TUSC3: variants seen among roughly 807,000 people sequenced by gnomAD.
The protein encoded by TUSC3 is tumor suppressor candidate 3.
A neutral mutation model predicts 44.8 loss-of-function variants in TUSC3; 45 were observed. That is an observed-to-expected ratio of 1.00 (90% CI 0.79 to 1.29). The LOEUF (loss-of-function observed/expected upper bound fraction) is 1.29, where lower values mean the gene tolerates loss of function less well. TUSC3 is among the 50% of genes most tolerant of loss of function. The pLI is 0.00. For missense variants in TUSC3, 519 were observed against 437.9 expected, an observed-to-expected ratio of 1.19 and a Z score of -1.65; for synonymous variants, 212 against 152.9, an observed-to-expected ratio of 1.39 and a Z score of -2.85.
intron 6 of TUSC3, among the ~76,000 whole-genome samples, chr8:15,710,179 A>G (rs1194811906): frequency 2.6e-5 from 4 of 151,780 alleles, no homozygotes; most frequent in Non-Finnish European, 5.9e-5. Context: ...GAATCATCCT[A>G]TGATGATCTC....
intron 7 of TUSC3, among the ~76,000 whole-genome samples, chr8:15,735,621 T>G (rs915372103): frequency 6.6e-6 from 1 of 152,222 alleles, no homozygotes; most frequent in Non-Finnish European, 1.5e-5. Flanking sequence ...TCTCACCAAA[T>G]TATATATTGT....
At chr8:15,458,056 A>C (rs545274284) in intron 1 of TUSC3, among the ~76,000 whole-genome samples, 1 of 152,156 alleles carries the variant, frequency 6.6e-6, no homozygotes, top group East Asian at 1.9e-4. Flanking sequence ...TTAGGAACAC[A>C]TCTAGATGCG....
In TUSC3 at chr8:15,623,086, T is replaced by C; in HGVS notation, c.145T>C (p.Leu49=). Reference sequence around the variant, plus strand: ...TTTCTGTGTTTAATTGCAGAATCTTTTAGCTGAAAAAGTAGAGCAGCTGAT... The same window carrying C: ...TTTCTGTGTTTAATTGCAGAATCTTCTAGCTGAAAAAGTAGAGCAGCTGAT... ...GGGQKKKENL[L]AEKVEQLMEW... Residue 49 remains leucine, a synonymous_variant, in exon 2 of 11, where the codon TTA becomes CTA. Coordinates refer to ENST00000503731, the MANE Select transcript of TUSC3 (RefSeq NM_006765.4). 6.2e-7 allele frequency: 1 copy of C among 1,613,776 alleles called. No individual in the cohort carries two copies. Among genetic ancestry groups the C allele is most frequent in the Non-Finnish European group, 8.5e-7 (1 of 1,179,822 alleles).
At chr8:15,619,899 AAGAG>A (rs1480075604) in intron 1 of TUSC3, among the ~76,000 whole-genome samples, 1 of 152,284 alleles carries the variant, frequency 6.6e-6, no homozygotes, top group East Asian at 1.9e-4. Flanking sequence ...ATTAGTAAGA[AAGAG>A]AGAGCATTCA....
rs556520414 is a variant in TUSC3, at chr8:15,473,518, C to G, written n.92-9868C>G. Among the ~76,000 whole-genome samples, 22 of 152,276 alleles carry G rather than the reference C, an allele frequency of 1.4e-4. 1 individual carries two copies. Among genetic ancestry groups the G allele is most frequent in the African/African-American group, 4.3e-4 (18 of 41,558 alleles). On this transcript the variant is annotated intron_variant and non_coding_transcript_variant, in intron 1 of 5. Coordinates refer to the TUSC3 transcript ENST00000503191. The stretch of plus-strand genomic sequence containing the variant: ...TCATAAAGTATTGGGGGAACCCACC[C>G]CCACTATTTCAACGTAGGTTCTATT...
In TUSC3 at chr8:15,458,876, A is replaced by C. The variant is rs141414550; in HGVS notation, n.92-24510A>C. Among the ~76,000 whole-genome samples the C allele has an allele frequency of 1.9e-3, 285 of 152,330 alleles. 3 individuals carry two copies. The highest frequency in any genetic ancestry group is 6.4e-3 in the African/African-American group (266 of 41,568). On this transcript the variant is annotated intron_variant and non_coding_transcript_variant, in intron 1 of 5. Transcript: ENST00000503191. Reference sequence around the variant, plus strand: ...TGGATTTTAGCTTTACAGGTGGCAAAGTATTAATATGTAAGCTCCTCTACT... The same window carrying C: ...TGGATTTTAGCTTTACAGGTGGCAACGTATTAATATGTAAGCTCCTCTACT...
chr8:15,781,271 G>A, the TUSC3 span, among the ~76,000 whole-genome samples: 1 of 152,186 alleles, frequency 6.6e-6, no homozygotes, highest in Non-Finnish European at 1.5e-5. Context: ...GGGATACAAG[G>A]AAGTGGAACC....
At chr8:15,740,268 T>C (rs1219386718) in intron 7 of TUSC3, among the ~76,000 whole-genome samples, 3 of 151,986 alleles carry the variant, frequency 2.0e-5, no homozygotes, top group Non-Finnish European at 4.4e-5. Context: ...TTGAAGGTAT[T>C]AGGAGAAAAG....
chr8:15,550,905 C>G (rs547049186), intron 1 of TUSC3, among the ~76,000 whole-genome samples: 2 of 151,670 alleles, frequency 1.3e-5, no homozygotes, highest in East Asian at 1.9e-4. Context: ...TTCCTAACCT[C>G]GGGTGATCTG....
chr8:15,554,199 G>A (rs954601024), intron 1 of TUSC3, among the ~76,000 whole-genome samples: 1 of 151,694 alleles, frequency 6.6e-6, no homozygotes, highest in African/African-American at 2.4e-5. Context: ...TGGTGATAAG[G>A]TTTCAACATA....
intron 1 of TUSC3, among the ~76,000 whole-genome samples, chr8:15,443,020 C>T (rs1800040813): frequency 6.6e-6 from 1 of 152,192 alleles, no homozygotes; most frequent in East Asian, 1.9e-4. Context: ...TGTCCAGTAA[C>T]CCCTTCACTC....
intron 2 of TUSC3, among the ~76,000 whole-genome samples, chr8:15,498,361 G>A (rs1800911471): frequency 6.6e-6 from 1 of 152,140 alleles, no homozygotes; most frequent in Admixed American, 6.6e-5. Flanking sequence ...AGCTGAAAGT[G>A]AAAATAAGAG....
chr8:15,753,044 A>T (rs1811771767), intron 9 of TUSC3, among the ~76,000 whole-genome samples: 1 of 152,024 alleles, frequency 6.6e-6, no homozygotes, highest in Admixed American at 6.6e-5. Context: ...AAATTTAAGT[A>T]ATTTTTATAT....
At chr8:15,806,920 C>A in the TUSC3 span, 20 of 1,420,446 alleles carry the variant, frequency 1.4e-5, no homozygotes, top group African/African-American at 2.4e-4. Flanking sequence ...CCACTTCTAT[C>A]TGCACCATGT....
At chr8:15,481,144 A>G (rs1179342625) in intron 1 of TUSC3, among the ~76,000 whole-genome samples, 4 of 149,246 alleles carry the variant, frequency 2.7e-5, no homozygotes, top group African/African-American at 9.9e-5. Context: ...GCTACTTGGG[A>G]GGCTGAGGCA....
chr8:15,453,557 G>A (rs1800219933), intron 1 of TUSC3, among the ~76,000 whole-genome samples: 1 of 152,154 alleles, frequency 6.6e-6, no homozygotes, highest in African/African-American at 2.4e-5. Flanking sequence ...CTCCCATCTA[G>A]CTGCAGTTTC....
the TUSC3 span, among the ~76,000 whole-genome samples, chr8:15,798,774 A>G: frequency 1.3e-5 from 2 of 152,064 alleles, no homozygotes; most frequent in Non-Finnish European, 2.9e-5. Flanking sequence ...TCTTACAGGG[A>G]CAACATTTTA....
chr8:15,523,704 G>GTATATATATATATATATATATATATATA (rs1563273688), intron 2 of TUSC3, among the ~76,000 whole-genome samples: 31 of 112,534 alleles, frequency 2.8e-4, no homozygotes, highest in Admixed American at 3.5e-4. Context: ...GTGTGTGTGT[G>GTATATATATATATATATATATATATATA]TGTGTATATA....
chr8:15,546,549 T>C (rs947744347), intron 1 of TUSC3, among the ~76,000 whole-genome samples: 25 of 151,748 alleles, frequency 1.6e-4, no homozygotes, highest in Non-Finnish European at 3.1e-4. Context: ...CTTTTTTCTT[T>C]TGGGAGACAG....
Sources: allele counts gnomAD v4.1 joint callset (sites outside exome capture counted in the v4.1 genomes callset), GRCh38; gene constraint gnomAD v4.1.1; transcripts MANE v1.5; gene names NCBI Gene and HGNC (gene_info 2026-07-23, HGNC 2026-07-21).